The following CWC27 variants were observed in gnomAD, a reference collection of about 807,000 sequenced individuals.
CWC27 encodes spliceosome-associated protein CWC27 homolog.
In CWC27, 47 loss-of-function variants were observed where a neutral mutation model predicts 63.6. The ratio of observed to expected loss-of-function variants is 0.74; its 90% CI spans 0.58 to 0.94. CWC27 has a LOEUF of 0.94. Ranked by LOEUF, CWC27 falls within the 40% of genes least tolerant of loss-of-function variation. The pLI, the probability that CWC27 is intolerant of heterozygous loss-of-function variation, is 0.00. For missense variants in CWC27, 495 were observed against 554.3 expected (o/e 0.89, Z 1.07); for synonymous variants, 175 against 179.8 (o/e 0.97, Z 0.22).
At chr5:64,850,861 A>C (rs1746115284) in intron 10 of CWC27, among the ~76,000 whole-genome samples, 1 of 151,884 alleles carries the variant, frequency 6.6e-6, no homozygotes, top group African/African-American at 2.4e-5. Flanking sequence ...CCATGATGAG[A>C]TATCACCTCA....
rs531947614 is a variant in CWC27 at position 64,963,929 on chromosome 5, A to C, written c.1043-7774A>C. 2.0e-5 allele frequency among the ~76,000 whole-genome samples: 3 copies of C among 152,312 alleles called. No individual in the cohort carries two copies. In the East Asian group the frequency reaches 5.8e-4, roughly 29 times the overall value. On this transcript the variant is annotated intron_variant, in intron 11 of 13. Transcript: ENST00000381070. ...TTGTCTTTTCTGAACTTGATTATTT[A>C]GATTTATGACTTTCTGGAAAAAAAA...
chr5:64,922,528 A>G (rs1372482937), intron 11 of CWC27, among the ~76,000 whole-genome samples: 1 of 152,202 alleles, frequency 6.6e-6, no homozygotes, highest in African/African-American at 2.4e-5. Context: ...CAACTCTCGT[A>G]TCAGTTTACT....
intron 10 of CWC27, among the ~76,000 whole-genome samples, chr5:64,858,412 A>G (rs1746313100): frequency 6.6e-6 from 1 of 151,004 alleles, no homozygotes; most frequent in South Asian, 2.1e-4. Context: ...CAGTGAGCCA[A>G]GATCGCCCCA....
intron 13 of CWC27, among the ~76,000 whole-genome samples, chr5:65,017,657 A>G (rs1750072466): frequency 6.6e-6 from 1 of 152,218 alleles, no homozygotes; most frequent in Non-Finnish European, 1.5e-5. Flanking sequence ...TCCCCAGGAA[A>G]GAGAGTCATA....
chr5:64,943,218 C>T (rs966418549), intron 11 of CWC27, among the ~76,000 whole-genome samples: 10 of 146,938 alleles, frequency 6.8e-5, no homozygotes, highest in South Asian at 2.2e-4. Flanking sequence ...TTTCAGATCA[C>T]GGCCCTGTGT....
At chr5:64,953,493 A>T (rs978586641) in intron 11 of CWC27, among the ~76,000 whole-genome samples, 3 of 152,146 alleles carry the variant, frequency 2.0e-5, no homozygotes, top group African/African-American at 7.2e-5. Context: ...GAAAAAATTT[A>T]ATCAGTGAGA....
chr5:64,780,719 C>CT (rs1477299220), intron 2 of CWC27, among the ~76,000 whole-genome samples: 4 of 132,200 alleles, frequency 3.0e-5, no homozygotes, highest in East Asian at 4.6e-4. Context: ...ACACACACAC[C>CT]GGAATCATAA....
intron 10 of CWC27, among the ~76,000 whole-genome samples, chr5:64,877,344 T>C (rs1344782528): frequency 8.6e-5 from 13 of 151,992 alleles, no homozygotes; most frequent in Non-Finnish European, 1.9e-4. Context: ...CTCAGTCATA[T>C]GTAGGAGCTA....
At chr5:64,819,733 G>A (rs368431600) in intron 10 of CWC27, among the ~76,000 whole-genome samples, 21 of 152,204 alleles carry the variant, frequency 1.4e-4, no homozygotes, top group South Asian at 4.1e-4. Context: ...TATTAGTAGC[G>A]TGAGAATGGA....
chr5:64,909,397 C>A (rs1010639153), intron 11 of CWC27, among the ~76,000 whole-genome samples: 12 of 152,142 alleles, frequency 7.9e-5, no homozygotes, highest in Non-Finnish European at 1.6e-4. Flanking sequence ...CTTGGTGAAT[C>A]TGACGATTAT....
At chr5:64,901,526 G>A (rs1747510860) in intron 11 of CWC27, among the ~76,000 whole-genome samples, 1 of 151,968 alleles carries the variant, frequency 6.6e-6, no homozygotes, top group African/African-American at 2.4e-5. Flanking sequence ...CATGAATGGA[G>A]CTCACAGGAC....
At chr5:64,840,386 A>ATATATACAT (rs1337676548) in intron 10 of CWC27, among the ~76,000 whole-genome samples, 2 of 56,860 alleles carry the variant, frequency 3.5e-5, no homozygotes, top group Non-Finnish European at 6.8e-5. Context: ...AAAAAAAAAA[A>ATATATACAT]AAAAAAAAAT....
intron 10 of CWC27, among the ~76,000 whole-genome samples, chr5:64,845,329 CA>C (rs1745947402): frequency 1.3e-5 from 2 of 152,076 alleles, no homozygotes; most frequent in Non-Finnish European, 1.5e-5. Flanking sequence ...ACAAGAACTA[CA>C]AAGAACAAAA....
At chr5:64,972,259 T>G (rs1476638528) in intron 12 of CWC27, among the ~76,000 whole-genome samples, 5 of 152,240 alleles carry the variant, frequency 3.3e-5, no homozygotes, top group Admixed American at 2.6e-4. Flanking sequence ...AGCTGACTTC[T>G]ATTCATTAGT....
intron 13 of CWC27, 72 bp downstream of exon 13, chr5:64,977,310 C>T: frequency 1.0e-6 from 1 of 990,390 alleles, no homozygotes; most frequent in Non-Finnish European, 1.5e-6. Context: ...TGGGGCATTT[C>T]CACTATATCA....
intron 2 of CWC27, among the ~76,000 whole-genome samples, chr5:64,775,077 G>T (rs1298104791): frequency 6.6e-6 from 1 of 152,076 alleles, no homozygotes; most frequent in Non-Finnish European, 1.5e-5. Context: ...CTAAATTTGG[G>T]TATTCCCTAA....
intron 11 of CWC27, among the ~76,000 whole-genome samples, chr5:64,893,945 T>C (rs1297335394): frequency 7.5e-6 from 1 of 133,514 alleles, no homozygotes; most frequent in Non-Finnish European, 1.6e-5. Flanking sequence ...TTTTTTTTTT[T>C]CCTAGATGGA....
chr5:64,849,388 A>G (rs1308630529), intron 10 of CWC27, among the ~76,000 whole-genome samples: 2 of 152,228 alleles, frequency 1.3e-5, no homozygotes, highest in Non-Finnish European at 2.9e-5. Context: ...AAATGTACAT[A>G]CTAATTGATA....
chr5:64,905,826 C>T (rs1420476623), intron 11 of CWC27, among the ~76,000 whole-genome samples: 1 of 152,124 alleles, frequency 6.6e-6, no homozygotes, highest in East Asian at 1.9e-4. Context: ...TGTGCCTCCC[C>T]CTGTCTCCCA....
Sources: gnomAD v4.1 joint callset for allele counts (sites outside exome capture counted in the v4.1 genomes callset) on GRCh38, gnomAD v4.1.1 for gene constraint, MANE v1.5 for transcripts, NCBI Gene and HGNC (gene_info 2026-07-23, HGNC 2026-07-21) for gene names.